ANTXR2: variants seen among roughly 807,000 people sequenced by gnomAD.
ANTXR2 encodes the protein anthrax toxin receptor 2.
ANTXR2 carries 44 observed loss-of-function variants against 73.7 expected under a neutral mutation model. The observed-to-expected ratio is 0.60, with a 90% CI of 0.47 to 0.77. The LOEUF is 0.77. Among genes scored for constraint, ANTXR2 ranks in the 30% least tolerant of loss-of-function variants. The probability of loss-of-function intolerance (pLI) is 0.00; values close to 1 mark genes in which losing one functional copy is unlikely to be tolerated. For missense variants in ANTXR2, 604 were observed against 592.5 expected, an observed-to-expected ratio of 1.02 and a Z score of -0.20; for synonymous variants, 217 against 205.9, an observed-to-expected ratio of 1.05 and a Z score of -0.46.
intron 16 of ANTXR2, among the ~76,000 whole-genome samples, chr4:79,974,268 A>G (rs75988849): frequency 0.027 from 4,049 of 152,330 alleles, 72 homozygotes; most frequent in Non-Finnish European, 0.039. Flanking sequence ...AAGAATAGGT[A>G]TGACGATAAA....
chr4:79,978,272 G>T, intron 14 of ANTXR2, 98 bp from the exon 15 acceptor site: 1 of 1,154,746 alleles, frequency 8.7e-7, no homozygotes, highest in Non-Finnish European at 1.2e-6. Context: ...ATCTCAGAGT[G>T]AAAAAGAAGA....
At chr4:80,005,909 TAGG>T (rs1338181588) in intron 12 of ANTXR2, among the ~76,000 whole-genome samples, 5 of 152,120 alleles carry the variant, frequency 3.3e-5, no homozygotes, top group African/African-American at 1.2e-4. Flanking sequence ...TTACAAGACA[TAGG>T]AGGTCCTCCC....
chr4:80,045,074 A>G lies in ANTXR2; in HGVS notation c.637-9042T>C, dbSNP rs192574596. On this transcript the variant is annotated intron_variant, in intron 7 of 16. Coordinates refer to ENST00000403729, the MANE Select transcript of ANTXR2 (RefSeq NM_058172.6). ...ACAGTGAAAAAAATTATTTGGATAA[A>G]TTCAAATTTTGGTAATTAATAGTAC... is the stretch of plus-strand genomic sequence containing the variant. Among the ~76,000 whole-genome samples the G allele has an allele frequency of 4.4e-3, 671 of 151,924 alleles. 7 individuals are homozygous for G. The highest frequency in any genetic ancestry group is 0.015 in the African/African-American group (640 of 41,522).
chr4:79,932,040 T>A (rs1172847317), intron 16 of ANTXR2, among the ~76,000 whole-genome samples: 2 of 152,212 alleles, frequency 1.3e-5, no homozygotes, highest in Non-Finnish European at 2.9e-5. Flanking sequence ...ATTTCAAATT[T>A]CATAGGTATT....
rs1446872493 is a variant in ANTXR2, at chr4:79,961,064, T to C, written c.1428+16557A>G. 2.0e-5 allele frequency among the ~76,000 whole-genome samples: 3 copies of C among 152,234 alleles called. No homozygotes were observed. The South Asian group carries it at 6.2e-4, about 32-fold the overall frequency. On this transcript the variant is annotated intron_variant, in intron 16 of 16. Transcript: ENST00000403729. ...GGTAGACACAAAGGCACCATCATAA[T>C]GCATTCTATTTAAGTAACAAACTGT...
chr4:80,035,567 T>C (rs1336143156), intron 8 of ANTXR2, among the ~76,000 whole-genome samples: 1 of 152,112 alleles, frequency 6.6e-6, no homozygotes, highest in African/African-American at 2.4e-5. Flanking sequence ...CATAAGTCAC[T>C]TCCTTATGTG....
chr4:79,923,681 A>T (rs1727675190), intron 16 of ANTXR2, among the ~76,000 whole-genome samples: 1 of 152,142 alleles, frequency 6.6e-6, no homozygotes, highest in African/African-American at 2.4e-5. Context: ...GTGGTCATTA[A>T]CACATGTACA....
At chr4:79,912,163 AAATT>A (rs1727169800) in intron 16 of ANTXR2, among the ~76,000 whole-genome samples, 1 of 151,962 alleles carries the variant, frequency 6.6e-6, no homozygotes, top group African/African-American at 2.4e-5. Flanking sequence ...ATATTTATAA[AAATT>A]AAGGTTCGGC....
chr4:79,966,368 T>C (rs1729365767), intron 16 of ANTXR2, among the ~76,000 whole-genome samples: 2 of 152,086 alleles, frequency 1.3e-5, no homozygotes, highest in South Asian at 4.1e-4. Flanking sequence ...GTAACTTTAA[T>C]TTTTTACCAA....
chr4:80,008,764 A>C (rs1183235661), intron 11 of ANTXR2, 148 bp from the exon 12 acceptor site: 13 of 468,826 alleles, frequency 2.8e-5, no homozygotes, highest in Non-Finnish European at 4.8e-5. Context: ...AATTTCTTGA[A>C]ATTCTACAAA....
At chr4:79,931,055 C>T (rs1010903977) in intron 16 of ANTXR2, among the ~76,000 whole-genome samples, 2 of 152,098 alleles carry the variant, frequency 1.3e-5, no homozygotes, top group African/African-American at 2.4e-5. Context: ...AGTAAATCTA[C>T]ATTTCAGCCC....
At chr4:79,996,023 T>A (rs1730706477) in intron 12 of ANTXR2, among the ~76,000 whole-genome samples, 1 of 151,978 alleles carries the variant, frequency 6.6e-6, no homozygotes, top group Non-Finnish European at 1.5e-5. Context: ...GCTCTTTTAT[T>A]TTCATAATAA....
At chr4:80,035,759 A>T (rs913263166) in intron 8 of ANTXR2, among the ~76,000 whole-genome samples, 2 of 152,168 alleles carry the variant, frequency 1.3e-5, no homozygotes, top group Non-Finnish European at 2.9e-5. Flanking sequence ...CCTGTCACAC[A>T]ATATGCTCAT....
intron 16 of ANTXR2, among the ~76,000 whole-genome samples, chr4:79,946,449 C>T (rs559355891): frequency 6.6e-6 from 1 of 152,294 alleles, no homozygotes; most frequent in South Asian, 2.1e-4. Context: ...AGCTCTGGAG[C>T]TGGAATGGCC....
At chr4:80,050,255 C>T (rs1164632802) in intron 7 of ANTXR2, among the ~76,000 whole-genome samples, 3 of 151,806 alleles carry the variant, frequency 2.0e-5, no homozygotes, top group South Asian at 2.1e-4. Flanking sequence ...CCTGATCTTA[C>T]GGCTTGAGGA....
chr4:80,072,319 C>A, intron 1 of ANTXR2, 90 bp downstream of exon 1: 1 of 1,400,232 alleles, frequency 7.1e-7, no homozygotes, highest in South Asian at 1.6e-5. Flanking sequence ...AACACCACTC[C>A]CCGGGGTGCG....
chr4:79,979,291 A>G (rs1729782548), intron 14 of ANTXR2, among the ~76,000 whole-genome samples: 1 of 152,114 alleles, frequency 6.6e-6, no homozygotes, highest in Non-Finnish European at 1.5e-5. Context: ...CCCTACAAAA[A>G]CCAAGGACAT....
At chr4:79,934,821 C>G (rs975867592) in intron 16 of ANTXR2, among the ~76,000 whole-genome samples, 1 of 150,434 alleles carries the variant, frequency 6.6e-6, no homozygotes, top group Non-Finnish European at 1.5e-5. Context: ...ACAAAAAACT[C>G]CTCCAAGTAG....
intron 3 of ANTXR2, among the ~76,000 whole-genome samples, chr4:80,062,302 C>A (rs902750600): frequency 6.6e-6 from 1 of 152,148 alleles, no homozygotes; most frequent in African/African-American, 2.4e-5. Flanking sequence ...TCAATTCACA[C>A]CTGAAGTTCA....
Sources: allele counts gnomAD v4.1 joint callset (sites outside exome capture counted in the v4.1 genomes callset), GRCh38; gene constraint gnomAD v4.1.1; transcripts MANE v1.5; gene names NCBI Gene and HGNC (gene_info 2026-07-23, HGNC 2026-07-21).